PIGN: variants seen among roughly 807,000 people sequenced by gnomAD.
The protein encoded by PIGN is GPI ethanolamine phosphate transferase 1.
In PIGN, 117 loss-of-function variants were observed where a neutral mutation model predicts 125.4. The observed-to-expected ratio is 0.93, with a 90% CI of 0.80 to 1.09. The LOEUF is 1.09. Ranked by LOEUF, PIGN falls within the 50% of genes least tolerant of loss-of-function variation. PIGN has a pLI of 0.00. For synonymous variants in PIGN, 392 were observed against 377.8 expected, an observed-to-expected ratio of 1.04 and a Z score of -0.44; for missense variants, 1,075 against 1,094.9, an observed-to-expected ratio of 0.98 and a Z score of 0.26.
chr18:62,080,150 T>G (rs867068839), intron 28 of PIGN, among the ~76,000 whole-genome samples: 1 of 152,224 alleles, frequency 6.6e-6, no homozygotes, highest in Non-Finnish European at 1.5e-5. Context: ...TTTGTGTTTT[T>G]TTTCCCCCAA....
chr18:62,140,467 G>T lies in PIGN; in HGVS notation c.976C>A (p.Pro326Thr). 1 of 1,547,626 alleles carries T rather than the reference G, an allele frequency of 6.5e-7. No homozygotes were observed. The highest frequency in any genetic ancestry group is 8.8e-7 in the Non-Finnish European group (1 of 1,130,774). ...RLDVNQADIAPLMTSLIGVPF... is the reference protein window; with the variant it reads ...RLDVNQADIATLMTSLIGVPF... The stretch of plus-strand genomic sequence containing the variant: ...ACTCCAATAAGGGAAGTCATCAATG[G>T]TGCAATATCAGCCTACAAATAAAAA... Residue 326 changes from proline to threonine, a missense_variant, in exon 12 of 31, where the codon CCA becomes ACA. This residue lies in a region of PIGN where 915 missense variants were observed against 908.7 expected (regional missense o/e 1.01). Coordinates refer to ENST00000640252, the MANE Select transcript of PIGN (RefSeq NM_176787.5).
At chr18:62,122,494 A>G (rs2035345973) in intron 14 of PIGN, among the ~76,000 whole-genome samples, 1 of 152,098 alleles carries the variant, frequency 6.6e-6, no homozygotes, top group Non-Finnish European at 1.5e-5. Context: ...CCTTGCTTCT[A>G]GGTTGATAGC....
At position 62,086,117 on chromosome 18, in the gene PIGN, CAT is replaced by C. The variant is rs1234610601; in HGVS notation, c.2371-855_2371-854del. Among the ~76,000 whole-genome samples, 162 of 152,072 alleles carry C rather than the reference CAT, an allele frequency of 1.1e-3. 1 individual carries two copies. The highest frequency in any genetic ancestry group is 5.0e-4 in the Non-Finnish European group (34 of 67,974). On this transcript the variant is annotated intron_variant, in intron 25 of 30. Transcript: ENST00000640252. ...CAGAGATAGGCACTAAGAATATAAA[CAT>C]AAATAAAATAGTCTCAAAATACTCA...
intron 1 of PIGN, among the ~76,000 whole-genome samples, chr18:62,182,557 C>T (rs1287300327): frequency 6.6e-6 from 1 of 152,196 alleles, no homozygotes; most frequent in African/African-American, 2.4e-5. Context: ...TCTCCATTGA[C>T]ACCTCTATAA....
At chr18:62,088,117 T>A (rs2033793184) in intron 25 of PIGN, among the ~76,000 whole-genome samples, 1 of 152,188 alleles carries the variant, frequency 6.6e-6, no homozygotes, top group Non-Finnish European at 1.5e-5. Flanking sequence ...TATACATATA[T>A]CAAAACATCA....
At chr18:62,098,941 A>G (rs929046377) in intron 22 of PIGN, among the ~76,000 whole-genome samples, 1 of 152,128 alleles carries the variant, frequency 6.6e-6, no homozygotes, top group Non-Finnish European at 1.5e-5. Flanking sequence ...TAGAGAAAGA[A>G]GCATATAAAA....
At position 62,057,045 on chromosome 18, in the gene PIGN, C is replaced by T. The variant is rs373424662; in HGVS notation, c.2673-11066G>A. 1.8e-4 allele frequency among the ~76,000 whole-genome samples: 27 copies of T among 152,322 alleles called. No individual in the cohort carries two copies. In the East Asian group the frequency reaches 1.9e-3, roughly 11 times the overall value. ...CCATCCGTGGAAAAACTGTCTTCCACGAAACTGGTCCCTGGTGCCAAAATG... is the reference window on the plus strand; with the variant it reads ...CCATCCGTGGAAAAACTGTCTTCCATGAAACTGGTCCCTGGTGCCAAAATG... On this transcript the variant is annotated intron_variant, in intron 30 of 30. Coordinates refer to ENST00000640252, the MANE Select transcript of PIGN (RefSeq NM_176787.5).
intron 28 of PIGN, among the ~76,000 whole-genome samples, chr18:62,077,740 T>C (rs1324588789): frequency 2.6e-5 from 4 of 152,230 alleles, no homozygotes; most frequent in Admixed American, 6.5e-5. Context: ...AAATTAAAGA[T>C]ATAATCTCTC....
chr18:62,062,718 T>C (rs112742421), intron 30 of PIGN, among the ~76,000 whole-genome samples: 42 of 152,182 alleles, frequency 2.8e-4, no homozygotes, highest in African/African-American at 9.9e-4. Context: ...TATTTTAATA[T>C]GTATACATAA....
chr18:62,040,666 T>G (rs1253916958), downstream of PIGN, among the ~76,000 whole-genome samples: 1 of 152,224 alleles, frequency 6.6e-6, no homozygotes, highest in Non-Finnish European at 1.5e-5. Context: ...AGCAAACATG[T>G]ATCAGGCAAA....
chr18:62,022,172 G>A (rs752036147), intron 23 of PIGN, among the ~76,000 whole-genome samples: 7 of 151,912 alleles, frequency 4.6e-5, no homozygotes, highest in Non-Finnish European at 8.8e-5. Flanking sequence ...ATATTCACTG[G>A]TACTAACCCC....
intron 30 of PIGN, chr18:62,069,637 A>G (rs1362802721): frequency 1.3e-5 from 2 of 152,238 alleles, no homozygotes; most frequent in Admixed American, 6.5e-5. Flanking sequence ...AGATACCCAG[A>G]GTCATCAAAT....
At chr18:62,054,844 C>G (rs1426534122) in intron 30 of PIGN, among the ~76,000 whole-genome samples, 1 of 151,964 alleles carries the variant, frequency 6.6e-6, no homozygotes, top group Non-Finnish European at 1.5e-5. Flanking sequence ...CAAAACTCAA[C>G]AGTAAAAAAA....
chr18:62,146,475 A>C (rs1263841678), intron 9 of PIGN, among the ~76,000 whole-genome samples: 1 of 152,198 alleles, frequency 6.6e-6, no homozygotes, highest in Non-Finnish European at 1.5e-5. Flanking sequence ...AGGTAGAGCC[A>C]AAAGAAGTCC....
At chr18:62,147,726 C>T (rs4940546) in intron 8 of PIGN, among the ~76,000 whole-genome samples, 115,745 of 152,086 alleles carry the variant, frequency 0.76, 44,177 homozygotes, top group East Asian at 0.91. Context: ...ACTTATGGTC[C>T]TCAAAAGTGA....
chr18:62,027,545 G>A (rs1042723422), intron 23 of PIGN, among the ~76,000 whole-genome samples: 6 of 152,192 alleles, frequency 3.9e-5, no homozygotes, highest in African/African-American at 1.2e-4. Flanking sequence ...GGGCTTCCAG[G>A]TTGTAGGTAG....
intron 22 of PIGN, 135 bp downstream of exon 22, chr18:62,100,940 A>T: frequency 1.5e-6 from 1 of 658,060 alleles, no homozygotes; most frequent in Non-Finnish European, 2.7e-6. Flanking sequence ...AAGAGATAGA[A>T]ATAATAGCCA....
intron 14 of PIGN, among the ~76,000 whole-genome samples, chr18:62,126,972 C>A (rs2035556959): frequency 6.6e-6 from 1 of 152,074 alleles, no homozygotes; most frequent in Admixed American, 6.6e-5. Flanking sequence ...TACCTTAAAC[C>A]CCTAACTTCC....
chr18:62,155,644 C>T (rs924468579), intron 6 of PIGN, among the ~76,000 whole-genome samples: 2 of 152,140 alleles, frequency 1.3e-5, no homozygotes, highest in Admixed American at 6.5e-5. Flanking sequence ...GCTCTAATGA[C>T]CCTATTCCAC....
Sources: gnomAD v4.1 joint callset for allele counts (sites outside exome capture counted in the v4.1 genomes callset) on GRCh38, gnomAD v4.1.1 for gene constraint, gnomAD v4.1.1 regional missense constraint, MANE v1.5 for transcripts, NCBI Gene and HGNC (gene_info 2026-07-23, HGNC 2026-07-21) for gene names.